The following NUP35 variants were observed in gnomAD, a reference collection of about 807,000 sequenced individuals.
NUP35 encodes the protein nucleoporin 35.
A neutral mutation model predicts 41.5 loss-of-function variants in NUP35; 25 were observed. The ratio of observed to expected loss-of-function variants is 0.60; its 90% confidence interval spans 0.44 to 0.84. The LOEUF (loss-of-function observed/expected upper bound fraction) is 0.84, where lower values mean the gene tolerates loss of function less well. Ranked by LOEUF, NUP35 falls within the 40% of genes least tolerant of loss-of-function variation. The probability of loss-of-function intolerance (pLI) is 0.00; values close to 1 mark genes in which losing one functional copy is unlikely to be tolerated. For missense variants in NUP35, 396 were observed against 396.6 expected (o/e 1.00, Z 0.01); for synonymous variants, 149 against 130.7 (o/e 1.14, Z -0.96).
Position 183,161,132 on chromosome 2 carries a change from T to C in NUP35, c.*1T>C. ...AATGGAGTACATGTTTGGCTGGTAG[T>C]AGAACACCAAGAAGGAGGTTGCTAC... On this transcript the variant is annotated 3_prime_UTR_variant, in exon 9 of 9. Transcript: ENST00000295119. 6.2e-7 allele frequency: 1 copy of C among 1,610,542 alleles called. No homozygotes were observed. The highest frequency in any genetic ancestry group is 8.5e-7 in the Non-Finnish European group (1 of 1,177,310).
intron 4 of NUP35, among the ~76,000 whole-genome samples, chr2:183,137,178 C>T (rs1276618394): frequency 6.6e-6 from 1 of 152,182 alleles, no homozygotes; most frequent in Non-Finnish European, 1.5e-5. Flanking sequence ...CTAGTCTTTT[C>T]AGCCATGTAA....
rs3762476 is a variant in NUP35 at position 183,151,664 on chromosome 2, C to T, written c.539+15C>T. ...ACTGTATTTGGGTAAGGTTTGCAGA[C>T]CATTTGCCTTTTAAAAACCCCACCC... On this transcript the variant is annotated intron_variant, in intron 5 of 8. Transcript: ENST00000295119. 0.055 allele frequency: 87,585 copies of T among 1,597,192 alleles called. 3,064 individuals are homozygous for T. The highest frequency in any genetic ancestry group is 0.14 in the South Asian group (12,668 of 87,914).
At chr2:183,138,631 C>A (rs186628352) in intron 4 of NUP35, among the ~76,000 whole-genome samples, 5 of 152,050 alleles carry the variant, frequency 3.3e-5, no homozygotes, top group African/African-American at 9.6e-5. Flanking sequence ...TCTACTTTCC[C>A]CATCCTCATC....
intron 1 of NUP35, chr2:183,118,617 C>T (rs765728589): frequency 6.6e-6 from 1 of 152,068 alleles, no homozygotes; most frequent in Non-Finnish European, 1.5e-5. Context: ...TACACAGCAC[C>T]AAAATATGTT....
chr2:183,146,185 G>A (rs965489391), intron 4 of NUP35, among the ~76,000 whole-genome samples: 7 of 152,108 alleles, frequency 4.6e-5, no homozygotes, highest in African/African-American at 9.7e-5. Context: ...GCAGTGGGCT[G>A]AGATCGTGCC....
In NUP35 at chr2:183,156,163, G is replaced by A. The variant is rs992104212; in HGVS notation, c.540-1281G>A. Among the ~76,000 whole-genome samples the A allele has an allele frequency of 3.9e-4, 60 of 152,106 alleles. 1 individual carries two copies. The highest frequency in any genetic ancestry group is 1.4e-3 in the African/African-American group (59 of 41,410). On this transcript the variant is annotated intron_variant, in intron 5 of 8. Coordinates refer to ENST00000295119, the MANE Select transcript of NUP35 (RefSeq NM_138285.5). ...TTTAGAATTATGTTTTATTTCTTAA[G>A]TACTTCCCTCACTTGCAGCCATTCT...
chr2:183,133,938 G>T (rs897979461), intron 4 of NUP35, among the ~76,000 whole-genome samples: 2 of 152,046 alleles, frequency 1.3e-5, no homozygotes, highest in African/African-American at 4.8e-5. Flanking sequence ...TTAAGAAATT[G>T]TATACTTAAT....
rs537226834 is a variant in NUP35, at chr2:183,148,755, C to T, written c.398-2753C>T. ...CTCACTGTAACCTCCACCTCCCAGG[C>T]TCCAGTGATCCTTCCATCTCAGCCT... On this transcript the variant is annotated intron_variant, in intron 4 of 8. Coordinates refer to ENST00000295119, the MANE Select transcript of NUP35 (RefSeq NM_138285.5). 3.3e-5 allele frequency among the ~76,000 whole-genome samples: 5 copies of T among 152,240 alleles called. No homozygotes were observed. In the South Asian group the frequency reaches 8.3e-4, roughly 25 times the overall value.
chr2:183,128,529 A>G, intron 2 of NUP35, 72 bp downstream of exon 2: 1 of 1,077,092 alleles, frequency 9.3e-7, no homozygotes, highest in Non-Finnish European at 1.3e-6. Context: ...GGCTTCCCTG[A>G]ACCACATTGG....
At chr2:183,136,295 G>A (rs1248088925) in intron 4 of NUP35, among the ~76,000 whole-genome samples, 1 of 152,150 alleles carries the variant, frequency 6.6e-6, no homozygotes, top group Non-Finnish European at 1.5e-5. Flanking sequence ...AACAATACAC[G>A]TATTATCTTC....
At chr2:183,133,486 A>C (rs996962476) in intron 3 of NUP35, 80 bp from the exon 4 acceptor site, 2 of 1,088,766 alleles carry the variant, frequency 1.8e-6, no homozygotes, top group Non-Finnish European at 2.7e-6. Flanking sequence ...AAATTCAGTT[A>C]TCCATTGAAT....
At chr2:183,151,427 T>C in intron 4 of NUP35, 81 bp from the exon 5 acceptor site, 2 of 1,358,208 alleles carry the variant, frequency 1.5e-6, no homozygotes, top group Non-Finnish European at 2.0e-6. Flanking sequence ...TTAGACTTTA[T>C]CATTTAAAAC....
At chr2:183,142,449 GTTTTC>G (rs1238874335) in intron 4 of NUP35, among the ~76,000 whole-genome samples, 2 of 146,068 alleles carry the variant, frequency 1.4e-5, no homozygotes, top group African/African-American at 5.0e-5. Flanking sequence ...AATTTTGTGT[GTTTTC>G]TTTTTTTTTT....
rs531255161 is a variant in NUP35, at chr2:183,145,703, A to G, written c.398-5805A>G. Reference sequence around the variant, plus strand: ...GGTGTTACTCCAACAATAAAATGGGACAATAGACAAGAACTTTAAAAAGTT... The same window carrying G: ...GGTGTTACTCCAACAATAAAATGGGGCAATAGACAAGAACTTTAAAAAGTT... On this transcript the variant is annotated intron_variant, in intron 4 of 8. Coordinates refer to ENST00000295119, the MANE Select transcript of NUP35 (RefSeq NM_138285.5). 2.0e-5 allele frequency among the ~76,000 whole-genome samples: 3 copies of G among 152,360 alleles called. 1 individual carries two copies. The highest frequency in any genetic ancestry group is 4.8e-5 in the African/African-American group (2 of 41,594).
At chr2:183,136,605 A>T (rs1469635226) in intron 4 of NUP35, among the ~76,000 whole-genome samples, 1 of 152,100 alleles carries the variant, frequency 6.6e-6, no homozygotes, top group Non-Finnish European at 1.5e-5. Flanking sequence ...CTCTAACTTT[A>T]CTTTTCTGCC....
chr2:183,138,617 T>G (rs115982067), intron 4 of NUP35, among the ~76,000 whole-genome samples: 5,321 of 152,160 alleles, frequency 0.035, 291 homozygotes, highest in African/African-American at 0.12. Context: ...TTGAATGTGT[T>G]TTTTCTACTT....
At chr2:183,122,108 C>T (rs1270108396), upstream of NUP35, among the ~76,000 whole-genome samples, 3 of 149,994 alleles carry the variant, frequency 2.0e-5, no homozygotes, top group Non-Finnish European at 4.4e-5. Context: ...CACAGAGTCT[C>T]GCTCTGTCGC....
intron 4 of NUP35, among the ~76,000 whole-genome samples, chr2:183,149,029 C>G (rs953153580): frequency 1.3e-5 from 2 of 152,054 alleles, no homozygotes; most frequent in Admixed American, 1.3e-4. Context: ...ATCCATGTGA[C>G]TATAAACACT....
intron 4 of NUP35, among the ~76,000 whole-genome samples, chr2:183,143,029 G>T (rs543997952): frequency 6.6e-6 from 1 of 151,616 alleles, no homozygotes; most frequent in East Asian, 2.0e-4. Flanking sequence ...GGTTGCAGGC[G>T]CCTGTAGTCC....
Sources: gnomAD v4.1 joint callset for allele counts (sites outside exome capture counted in the v4.1 genomes callset) on GRCh38, gnomAD v4.1.1 for gene constraint, MANE v1.5 for transcripts, NCBI Gene and HGNC (gene_info 2026-07-23, HGNC 2026-07-21) for gene names.